DTNB: variants seen among roughly 807,000 people sequenced by gnomAD.
DTNB encodes dystrobrevin beta.
A neutral mutation model predicts 90.7 loss-of-function variants in DTNB; 63 were observed. The ratio of observed to expected loss-of-function variants is 0.69; its 90% CI spans 0.57 to 0.86. The LOEUF is 0.86. DTNB is among the 40% of genes least tolerant of loss of function. The pLI, the probability that DTNB is intolerant of heterozygous loss-of-function variation, is 0.00. For synonymous variants in DTNB, 277 were observed against 286.7 expected, an observed-to-expected ratio of 0.97 and a Z score of 0.34; for missense variants, 744 against 807.1, an observed-to-expected ratio of 0.92 and a Z score of 0.95.
intron 10 of DTNB, among the ~76,000 whole-genome samples, chr2:25,471,832 C>T (rs767746464): frequency 7.0e-6 from 1 of 142,684 alleles, no homozygotes; most frequent in Non-Finnish European, 1.5e-5. Context: ...AGGTTAAGGA[C>T]CCGCTATCAA....
At chr2:25,470,923 G>A (rs1176882393) in intron 10 of DTNB, among the ~76,000 whole-genome samples, 2 of 152,028 alleles carry the variant, frequency 1.3e-5, no homozygotes, top group Admixed American at 6.6e-5. Context: ...AGGCACTAGC[G>A]TGGAAGAGAT....
chr2:25,660,134 A>C (rs1448367485), intron 1 of DTNB, among the ~76,000 whole-genome samples: 1 of 152,244 alleles, frequency 6.6e-6, no homozygotes, highest in African/African-American at 2.4e-5. Flanking sequence ...ACAGGTACCA[A>C]GACAATTCAA....
intron 9 of DTNB, among the ~76,000 whole-genome samples, chr2:25,519,889 C>CTT (rs1308962218): frequency 1.3e-5 from 2 of 152,132 alleles, no homozygotes; most frequent in Admixed American, 1.3e-4. Flanking sequence ...AAAGTATCAT[C>CTT]TTGTCAGTTT....
chr2:25,439,372 G>C (rs1168215528), intron 12 of DTNB, among the ~76,000 whole-genome samples: 1 of 151,924 alleles, frequency 6.6e-6, no homozygotes, highest in South Asian at 2.1e-4. Context: ...GCTTGGTGGC[G>C]CGTGCCTGTA....
At chr2:25,659,316 C>T (rs1016301646) in intron 1 of DTNB, among the ~76,000 whole-genome samples, 1 of 152,100 alleles carries the variant, frequency 6.6e-6, no homozygotes, top group Non-Finnish European at 1.5e-5. Flanking sequence ...GCACATGAAA[C>T]ATGTACCAAC....
At chr2:25,456,768 CT>C (rs775377445) in intron 10 of DTNB, among the ~76,000 whole-genome samples, 12 of 151,622 alleles carry the variant, frequency 7.9e-5, no homozygotes, top group Non-Finnish European at 1.8e-4. Flanking sequence ...GTTTTCGCCT[CT>C]GTTGGCCAGG....
At chr2:25,578,772 A>C (rs1262900768) in intron 7 of DTNB, among the ~76,000 whole-genome samples, 1 of 152,308 alleles carries the variant, frequency 6.6e-6, no homozygotes, top group South Asian at 2.1e-4. Context: ...TGGATTAGTA[A>C]ATCAATTTAA....
intron 16 of DTNB, among the ~76,000 whole-genome samples, chr2:25,404,482 G>A (rs2044540240): frequency 6.6e-6 from 1 of 152,148 alleles, no homozygotes; most frequent in African/African-American, 2.4e-5. Flanking sequence ...GAGCAGGGAA[G>A]ACCTGTAGCA....
At chr2:25,448,704 A>G (rs911554173) in intron 12 of DTNB, among the ~76,000 whole-genome samples, 10 of 152,184 alleles carry the variant, frequency 6.6e-5, no homozygotes, top group Admixed American at 1.3e-4. Context: ...AATACAAAAA[A>G]TTAGCCGGGC....
chr2:25,621,967 T>C (rs137982937), intron 4 of DTNB, among the ~76,000 whole-genome samples: 5 of 152,304 alleles, frequency 3.3e-5, no homozygotes, highest in Admixed American at 6.5e-5. Flanking sequence ...CCGTATTTTG[T>C]ATTTTTTAAG....
At chr2:25,467,441 G>A (rs532759581) in intron 10 of DTNB, among the ~76,000 whole-genome samples, 3 of 151,952 alleles carry the variant, frequency 2.0e-5, no homozygotes, top group South Asian at 4.2e-4. Context: ...TGGGACTACA[G>A]GCGGGTAACA....
At chr2:25,659,669 CA>C (rs2082749496) in intron 1 of DTNB, among the ~76,000 whole-genome samples, 1 of 152,042 alleles carries the variant, frequency 6.6e-6, no homozygotes, top group African/African-American at 2.4e-5. Context: ...ACCAATTCCT[CA>C]AAAGCTACAA....
chr2:25,601,342 C>T (rs1436361046), intron 5 of DTNB, among the ~76,000 whole-genome samples: 2 of 152,154 alleles, frequency 1.3e-5, no homozygotes, highest in East Asian at 1.9e-4. Flanking sequence ...TGAAAGTATG[C>T]TAATTCCCTA....
At chr2:25,560,157 G>A (rs916063686) in intron 8 of DTNB, among the ~76,000 whole-genome samples, 1 of 152,258 alleles carries the variant, frequency 6.6e-6, no homozygotes, top group Admixed American at 6.5e-5. Context: ...GCTGAGGCAA[G>A]AGAATAGCTT....
At chr2:25,625,627 T>C (rs900330871) in intron 4 of DTNB, among the ~76,000 whole-genome samples, 58 of 150,392 alleles carry the variant, frequency 3.9e-4, no homozygotes, top group African/African-American at 1.4e-3. Context: ...ACTGATTCAC[T>C]GTCCACTTAT....
At chr2:25,570,167 C>A (rs908448774) in intron 8 of DTNB, among the ~76,000 whole-genome samples, 3 of 150,512 alleles carry the variant, frequency 2.0e-5, no homozygotes, top group Non-Finnish European at 4.4e-5. Flanking sequence ...AATCCCAGCA[C>A]AGGAAGGTAG....
Position 25,427,180 on chromosome 2 carries a change from A to AACACACACACACAC in DTNB, c.1554+341_1554+354dup, listed in dbSNP as rs3041256. On this transcript the variant is annotated intron_variant, in intron 15 of 20. Coordinates refer to ENST00000406818, the MANE Select transcript of DTNB (RefSeq NM_021907.5). Reference sequence around the variant, plus strand: ...GTGACACAGCGAGACTCCATCTCAAAACACACACACACACACACACACACA... The same window carrying AACACACACACACAC: ...GTGACACAGCGAGACTCCATCTCAAAACACACACACACACACACACACACACACACACACACACA... 4.5e-3 allele frequency among the ~76,000 whole-genome samples: 633 copies of AACACACACACACAC among 139,634 alleles called. 1 individual carries two copies. Among genetic ancestry groups the AACACACACACACAC allele is most frequent in the African/African-American group, 0.01 (384 of 36,690 alleles). The allele number at this position is 139,634 out of a possible 152,430, so 91.6% of individuals were successfully genotyped here. A position where few individuals can be genotyped will look rare whatever the true frequency, so the allele number is the denominator to read the frequency against.
chr2:25,546,833 A>T (rs1398700948), intron 8 of DTNB, among the ~76,000 whole-genome samples: 3 of 151,492 alleles, frequency 2.0e-5, no homozygotes, highest in African/African-American at 7.3e-5. Context: ...GATAGGATAG[A>T]TCTTCTATTC....
At chr2:25,580,138 C>A (rs1177809090) in intron 7 of DTNB, among the ~76,000 whole-genome samples, 1 of 151,776 alleles carries the variant, frequency 6.6e-6, no homozygotes, top group Non-Finnish European at 1.5e-5. Context: ...CCCACAACCA[C>A]GCCCAGCTAA....
Sources: gnomAD v4.1 joint callset for allele counts (sites outside exome capture counted in the v4.1 genomes callset) on GRCh38, gnomAD v4.1.1 for gene constraint, MANE v1.5 for transcripts, NCBI Gene and HGNC (gene_info 2026-07-23, HGNC 2026-07-21) for gene names.